HAT1: variants seen among roughly 807,000 people sequenced by gnomAD.
HAT1 encodes the protein histone acetyltransferase type B catalytic subunit.
In HAT1, 20 loss-of-function variants were observed where a neutral mutation model predicts 56.6. The observed-to-expected ratio is 0.35, with a 90% CI of 0.25 to 0.51. HAT1 has a LOEUF of 0.51. HAT1 is among the 20% of genes least tolerant of loss of function. The pLI, the probability that HAT1 is intolerant of heterozygous loss-of-function variation, is 0.95. For missense variants in HAT1, 408 were observed against 504.3 expected (o/e 0.81, Z 1.83); for synonymous variants, 146 against 165.5 (o/e 0.88, Z 0.91).
intron 8 of HAT1, among the ~76,000 whole-genome samples, chr2:171,971,484 G>GT (rs1687815520): frequency 6.6e-6 from 1 of 152,182 alleles, no homozygotes; most frequent in East Asian, 1.9e-4. Context: ...ATGATGTGAG[G>GT]TAAGTATCTC....
intron 4 of HAT1, among the ~76,000 whole-genome samples, chr2:171,962,350 A>G (rs149660950): frequency 1.3e-5 from 2 of 152,292 alleles, no homozygotes; most frequent in African/African-American, 4.8e-5. Context: ...GCGTTAGGAA[A>G]CCATTTGTAA....
intron 1 of HAT1, chr2:171,924,056 C>G (rs1686511899): frequency 6.6e-6 from 1 of 152,120 alleles, no homozygotes; most frequent in Non-Finnish European, 1.5e-5. Context: ...TAGTCAGAAT[C>G]CAGGAATTCT....
At chr2:171,970,152 C>A (rs1558977814) in intron 8 of HAT1, among the ~76,000 whole-genome samples, 1 of 151,994 alleles carries the variant, frequency 6.6e-6, no homozygotes, top group Non-Finnish European at 1.5e-5. Flanking sequence ...AGAGCGAGAC[C>A]CTGTCTTAAA....
At chr2:171,966,764 TG>T in intron 7 of HAT1, 78 bp from the exon 8 acceptor site, 1 of 707,176 alleles carries the variant, frequency 1.4e-6, no homozygotes, top group East Asian at 2.7e-5. Flanking sequence ...TTAAAGTGTT[TG>T]TAATACTATA....
chr2:171,977,332 C>T (rs530169422), intron 9 of HAT1, among the ~76,000 whole-genome samples: 9 of 143,020 alleles, frequency 6.3e-5, no homozygotes, highest in Admixed American at 1.4e-4. Flanking sequence ...CGTGGTGGCG[C>T]GTGCCTGTAA....
intron 4 of HAT1, among the ~76,000 whole-genome samples, chr2:171,956,044 C>CA (rs948262750): frequency 1.3e-5 from 2 of 149,710 alleles, no homozygotes; most frequent in East Asian, 2.0e-4. Flanking sequence ...GACTCTGTCT[C>CA]AAAAAAAAAG....
intron 8 of HAT1, among the ~76,000 whole-genome samples, chr2:171,971,179 CAG>C (rs1241829298): frequency 2.6e-5 from 4 of 152,172 alleles, no homozygotes; most frequent in African/African-American, 9.6e-5. Flanking sequence ...GCCCGGGTGA[CAG>C]AGCGAGACTC....
chr2:171,929,256 A>G (rs192376043), intron 2 of HAT1, among the ~76,000 whole-genome samples: 19 of 152,202 alleles, frequency 1.2e-4, no homozygotes, highest in African/African-American at 4.6e-4. Context: ...GTGGTTATCG[A>G]CTATCTCCTT....
Position 171,966,834 on chromosome 2 carries a change from TTACTG to T in HAT1, c.717-6_717-2del. 2 of 1,337,112 alleles carry T rather than the reference TTACTG, an allele frequency of 1.5e-6. No individual in the cohort carries two copies. Among genetic ancestry groups the T allele is most frequent in the Non-Finnish European group, 2.1e-6 (2 of 936,180 alleles). The allele number at this position is 1,337,112 out of a possible 1,614,324, so 82.8% of individuals were successfully genotyped here. A position where few individuals can be genotyped will look rare whatever the true frequency, so the allele number is the denominator to read the frequency against. Reference sequence around the variant, plus strand: ...ATATTTTAATTTTAAAATAATTTCTTTACTGTAGTCAGATGCTGATTTTGACTCCA... The same window carrying T: ...ATATTTTAATTTTAAAATAATTTCTTTAGTCAGATGCTGATTTTGACTCCA... On this transcript the variant is annotated splice_polypyrimidine_tract_variant and splice_region_variant and intron_variant, in intron 7 of 10. Coordinates refer to ENST00000264108, the MANE Select transcript of HAT1 (RefSeq NM_003642.4).
In HAT1 at chr2:171,983,456, T is replaced by TA; in HGVS notation, c.*108dup. Reference sequence around the variant, plus strand: ...AAATCTTGTGACATTTTGCTTATACTAAAAGTTATCTATCTTTAGTTGAAT... The same window carrying TA: ...AAATCTTGTGACATTTTGCTTATACTAAAAAGTTATCTATCTTTAGTTGAAT... On this transcript the variant is annotated 3_prime_UTR_variant, in exon 11 of 11. Transcript: ENST00000264108. The TA allele has an allele frequency of 1.8e-6, 1 of 542,596 alleles. No individual in the cohort carries two copies. The highest frequency in any genetic ancestry group is 3.2e-6 in the Non-Finnish European group (1 of 310,498). The allele number at this position is 542,596 out of a possible 1,614,324, so 33.6% of individuals were successfully genotyped here.
At chr2:171,978,090 G>C (rs889188233) in intron 9 of HAT1, among the ~76,000 whole-genome samples, 2 of 122,416 alleles carry the variant, frequency 1.6e-5, no homozygotes, top group Non-Finnish European at 3.3e-5. Context: ...AGGGTCTCTT[G>C]CTCTGTCACC....
intron 10 of HAT1, among the ~76,000 whole-genome samples, chr2:171,981,030 C>A (rs1338434803): frequency 6.6e-6 from 1 of 151,334 alleles, no homozygotes; most frequent in African/African-American, 2.4e-5. Flanking sequence ...ATTAGCCAGG[C>A]ATGGTGGGAG....
intron 1 of HAT1, chr2:171,925,069 C>CTTTTT (rs72257084): frequency 1.4e-4 from 10 of 73,676 alleles, no homozygotes; most frequent in Admixed American, 3.1e-4. Flanking sequence ...ATGAGGCATT[C>CTTTTT]TTTTTTTTTT....
chr2:171,951,604 T>G (rs2120354), intron 3 of HAT1, among the ~76,000 whole-genome samples: 24,695 of 145,654 alleles, frequency 0.17, 3,007 homozygotes, highest in African/African-American at 0.34. Flanking sequence ...TTTTTTTTTT[T>G]GTAGTTTTAG....
In HAT1 at chr2:171,982,010, A is replaced by T. The variant is rs952402448; in HGVS notation, c.1093-1175A>T. On this transcript the variant is annotated intron_variant, in intron 10 of 10. Coordinates refer to ENST00000264108, the MANE Select transcript of HAT1 (RefSeq NM_003642.4). ...ATTGAATTATATATTTTAGATATTA[A>T]TGTGACTTTTATATAAAATATAACA... Among the ~76,000 whole-genome samples, 16 of 152,196 alleles carry T rather than the reference A, an allele frequency of 1.1e-4. 1 individual carries two copies. Among genetic ancestry groups the T allele is most frequent in the Non-Finnish European group, 5.9e-5 (4 of 68,038 alleles).
intron 2 of HAT1, among the ~76,000 whole-genome samples, chr2:171,932,669 G>T (rs974729870): frequency 3.3e-5 from 5 of 152,010 alleles, no homozygotes; most frequent in South Asian, 2.1e-4. Flanking sequence ...AGAGTTCAAG[G>T]CCAGCCTGGG....
In HAT1 at chr2:171,927,388, A is replaced by G. The variant is rs571475172; in HGVS notation, c.112+1747A>G. 2.6e-5 allele frequency among the ~76,000 whole-genome samples: 4 copies of G among 152,180 alleles called. No homozygotes were observed. The South Asian group carries it at 8.3e-4, about 32-fold the overall frequency. On this transcript the variant is annotated intron_variant, in intron 2 of 10. Transcript: ENST00000264108. ...TGTTTAAACTCCTTGACATGCAGAA[A>G]ATACTTGGTAAGGGCTGAGTGGAGT... is the stretch of plus-strand genomic sequence containing the variant.
intron 2 of HAT1, among the ~76,000 whole-genome samples, chr2:171,943,903 CTT>C (rs1169839171): frequency 1.3e-5 from 2 of 151,856 alleles, no homozygotes; most frequent in East Asian, 3.9e-4. Flanking sequence ...AATTCCAGCA[CTT>C]TGGGAGGCTG....
At chr2:171,926,318 A>C (rs1686591888) in intron 2 of HAT1, among the ~76,000 whole-genome samples, 1 of 151,906 alleles carries the variant, frequency 6.6e-6, no homozygotes, top group Non-Finnish European at 1.5e-5. Context: ...TTTGAGACGG[A>C]GTTTCACTCT....
Sources: allele counts gnomAD v4.1 joint callset (sites outside exome capture counted in the v4.1 genomes callset), GRCh38; gene constraint gnomAD v4.1.1; transcripts MANE v1.5; gene names NCBI Gene and HGNC (gene_info 2026-07-23, HGNC 2026-07-21).